The following CNTN4 variants were observed in gnomAD, a reference collection of about 807,000 sequenced individuals.
The protein encoded by CNTN4 is contactin-4.
Under a neutral mutation model 122.5 loss-of-function variants are expected in CNTN4, and 77 were observed. That is an observed-to-expected ratio of 0.63 (90% CI 0.52 to 0.76). CNTN4 has a LOEUF of 0.76. Ranked by LOEUF, CNTN4 falls within the 30% of genes least tolerant of loss-of-function variation. The pLI, the probability that CNTN4 is intolerant of heterozygous loss-of-function variation, is 0.00. For missense variants in CNTN4, 1,256 were observed against 1,259.1 expected, an observed-to-expected ratio of 1.00 and a Z score of 0.04; for synonymous variants, 512 against 447.0, an observed-to-expected ratio of 1.15 and a Z score of -1.83.
intron 4 of CNTN4, among the ~76,000 whole-genome samples, chr3:2,579,765 T>A (rs546563328): frequency 1.6e-3 from 250 of 152,302 alleles, no homozygotes; most frequent in African/African-American, 5.7e-3. Flanking sequence ...ATATGTTAAA[T>A]GTTAAATATA....
intron 2 of CNTN4, among the ~76,000 whole-genome samples, chr3:2,195,591 G>A (rs771961438): frequency 6.6e-6 from 1 of 152,186 alleles, no homozygotes; most frequent in East Asian, 1.9e-4. Context: ...AGGGAAATTA[G>A]CATGTGTTTC....
chr3:2,262,517 T>C (rs1232078082), intron 2 of CNTN4: 2 of 152,166 alleles, frequency 1.3e-5, no homozygotes, highest in South Asian at 2.1e-4. Context: ...CTCTGTGTCT[T>C]GTTCTTGTAT....
intron 6 of CNTN4, among the ~76,000 whole-genome samples, chr3:2,809,604 G>A (rs954560300): frequency 5.9e-5 from 9 of 152,166 alleles, no homozygotes; most frequent in Admixed American, 3.3e-4. Context: ...TGAAACCAAA[G>A]ATAAAGAATG....
chr3:3,008,290 C>T (rs1451452249), intron 14 of CNTN4, among the ~76,000 whole-genome samples: 6 of 152,126 alleles, frequency 3.9e-5, no homozygotes, highest in African/African-American at 1.4e-4. Flanking sequence ...AGCAGAAAAA[C>T]GCCATTCTCC....
At chr3:2,998,455 G>T (rs1216699279) in intron 14 of CNTN4, among the ~76,000 whole-genome samples, 2 of 152,090 alleles carry the variant, frequency 1.3e-5, no homozygotes, top group Non-Finnish European at 2.9e-5. Context: ...TTTTCAACAA[G>T]TTCTTCAGGG....
chr3:2,606,220 G>A (rs1288823467), intron 4 of CNTN4, among the ~76,000 whole-genome samples: 2 of 152,182 alleles, frequency 1.3e-5, no homozygotes, highest in African/African-American at 4.8e-5. Context: ...AAGAATTTTA[G>A]ATTGTCGTGA....
At position 2,866,745 on chromosome 3, in the gene CNTN4, C is replaced by T. The variant is rs770260587; in HGVS notation, c.455-7C>T. The T allele has an allele frequency of 6.2e-6, 10 of 1,612,550 alleles. No individual in the cohort carries two copies. The East Asian group carries it at 6.7e-5, about 11-fold the overall frequency. ...CATATTTGTAATGAAGATTTTTTTC[C>T]TTTCAGAGCTGAGTTATGCCTGGAT... On this transcript the variant is annotated splice_region_variant and splice_polypyrimidine_tract_variant and intron_variant, in intron 7 of 24. Transcript: ENST00000418658.
At chr3:2,183,995 G>T (rs1475542394) in intron 2 of CNTN4, among the ~76,000 whole-genome samples, 1 of 151,372 alleles carries the variant, frequency 6.6e-6, no homozygotes, top group Non-Finnish European at 1.5e-5. Context: ...TTTTTGAGAC[G>T]TGGTCTCGCT....
chr3:2,323,581 C>A (rs890402861), intron 2 of CNTN4, among the ~76,000 whole-genome samples: 1 of 152,082 alleles, frequency 6.6e-6, no homozygotes, highest in Admixed American at 6.6e-5. Flanking sequence ...TTGGGATGTG[C>A]CCCCAAACAC....
At chr3:2,152,905 A>G (rs533323331) in intron 2 of CNTN4, among the ~76,000 whole-genome samples, 1 of 152,168 alleles carries the variant, frequency 6.6e-6, no homozygotes, top group East Asian at 1.9e-4. Context: ...CTTAGCCTGG[A>G]CCCCAAGTGA....
chr3:2,139,332 A>G (rs2034871267), intron 2 of CNTN4, among the ~76,000 whole-genome samples: 1 of 152,190 alleles, frequency 6.6e-6, no homozygotes, highest in Admixed American at 6.5e-5. Context: ...AAACACACAA[A>G]TTGAAATAAA....
chr3:2,496,232 C>A (rs17194476), intron 3 of CNTN4, among the ~76,000 whole-genome samples: 2 of 151,974 alleles, frequency 1.3e-5, no homozygotes, highest in African/African-American at 4.8e-5. Flanking sequence ...CTCTTGATGA[C>A]GTCCGATGTG....
At chr3:2,642,335 C>T (rs1270322289) in intron 4 of CNTN4, among the ~76,000 whole-genome samples, 1 of 152,158 alleles carries the variant, frequency 6.6e-6, no homozygotes, top group Non-Finnish European at 1.5e-5. Context: ...AGATGGTGCC[C>T]ACCCAGATTG....
intron 4 of CNTN4, among the ~76,000 whole-genome samples, chr3:2,653,203 T>TA (rs1270825133): frequency 6.6e-6 from 1 of 152,144 alleles, no homozygotes; most frequent in Non-Finnish European, 1.5e-5. Context: ...TTAAAAATTG[T>TA]AAAAAAAGCA....
chr3:2,437,911 T>C (rs772158770), intron 3 of CNTN4, among the ~76,000 whole-genome samples: 19 of 152,172 alleles, frequency 1.2e-4, no homozygotes, highest in Non-Finnish European at 2.2e-4. Flanking sequence ...TGAAAATAAA[T>C]CAGCATTCAA....
intron 2 of CNTN4, among the ~76,000 whole-genome samples, chr3:2,133,771 G>C (rs548398939): frequency 5.2e-4 from 79 of 152,232 alleles, no homozygotes; most frequent in African/African-American, 1.8e-3. Context: ...TTACTTGTAT[G>C]CCTGAGTTCA....
intron 3 of CNTN4, among the ~76,000 whole-genome samples, chr3:2,538,684 GTTA>G (rs1203474480): frequency 6.6e-6 from 1 of 151,752 alleles, no homozygotes; most frequent in Non-Finnish European, 1.5e-5. Context: ...TATATTTCAT[GTTA>G]TTATAAAGTT....
chr3:2,221,564 A>G (rs886366330), intron 2 of CNTN4, among the ~76,000 whole-genome samples: 1 of 75,274 alleles, frequency 1.3e-5, no homozygotes, highest in Non-Finnish European at 3.1e-5. Context: ...TATCAAAATT[A>G]AAAAAAATTT....
intron 2 of CNTN4, among the ~76,000 whole-genome samples, chr3:2,156,155 A>G (rs2035707673): frequency 6.6e-6 from 1 of 152,134 alleles, no homozygotes; most frequent in South Asian, 2.1e-4. Context: ...CTTTGAGGGA[A>G]AAGAAATGAA....
Sources: gnomAD v4.1 joint callset for allele counts (sites outside exome capture counted in the v4.1 genomes callset) on GRCh38, gnomAD v4.1.1 for gene constraint, MANE v1.5 for transcripts, NCBI Gene and HGNC (gene_info 2026-07-23, HGNC 2026-07-21) for gene names.